The following COL4A2 variants were observed in gnomAD, a reference collection of about 807,000 sequenced individuals.
COL4A2 encodes collagen type IV alpha 2 chain.
COL4A2 carries 99 observed loss-of-function variants against 200.2 expected under a neutral mutation model. The ratio of observed to expected loss-of-function variants is 0.49; its 90% CI spans 0.42 to 0.58. COL4A2 has a LOEUF of 0.58. COL4A2 is among the 20% of genes least tolerant of loss of function. COL4A2 has a pLI of 0.00. For missense variants in COL4A2, 1,950 were observed against 2,314.1 expected (o/e 0.84, Z 3.23); for synonymous variants, 897 against 900.6 (o/e 1.00, Z 0.07).
At chr13:110,325,526 G>A (rs1224121305) in intron 3 of COL4A2, among the ~76,000 whole-genome samples, 3 of 152,160 alleles carry the variant, frequency 2.0e-5, no homozygotes, top group African/African-American at 7.2e-5. Flanking sequence ...GTGTCTCCCA[G>A]GGAAATCGTA....
At chr13:110,376,310 G>A (rs1195502209) in intron 4 of COL4A2, among the ~76,000 whole-genome samples, 1 of 152,156 alleles carries the variant, frequency 6.6e-6, no homozygotes, top group African/African-American at 2.4e-5. Flanking sequence ...CTGGAACTGT[G>A]AGCGTCAGAA....
chr13:110,413,898 C>T (rs1324344510), intron 4 of COL4A2, among the ~76,000 whole-genome samples: 1 of 152,228 alleles, frequency 6.6e-6, no homozygotes, highest in Non-Finnish European at 1.5e-5. Flanking sequence ...GGTCCAGGTG[C>T]TGTGGGTGAG....
At chr13:110,384,119 G>A (rs539722455) in intron 4 of COL4A2, among the ~76,000 whole-genome samples, 77 of 152,334 alleles carry the variant, frequency 5.1e-4, no homozygotes, top group African/African-American at 1.8e-3. Context: ...AGTGTGTTTA[G>A]ACTTGTGGCT....
chr13:110,385,257 G>T (rs113551653), intron 4 of COL4A2, among the ~76,000 whole-genome samples: 4 of 150,756 alleles, frequency 2.7e-5, no homozygotes, highest in Non-Finnish European at 4.4e-5. Flanking sequence ...GTGAGACTCC[G>T]TCTGAAAAAA....
intron 21 of COL4A2, chr13:110,458,295 A>C: frequency 2.7e-6 from 1 of 372,626 alleles, no homozygotes; most frequent in Non-Finnish European, 5.4e-6. Flanking sequence ...AGCTGTGGCA[A>C]AACAGAGGAA....
chr13:110,509,965 GAGGC>G (rs1435423418), intron 47 of COL4A2, among the ~76,000 whole-genome samples: 4 of 152,208 alleles, frequency 2.6e-5, no homozygotes, highest in Non-Finnish European at 4.4e-5. Flanking sequence ...TGCCGTCTAG[GAGGC>G]AGGACCTAAA....
chr13:110,321,171 A>G (rs1169524437), intron 3 of COL4A2, among the ~76,000 whole-genome samples: 2 of 143,284 alleles, frequency 1.4e-5, no homozygotes, highest in African/African-American at 5.5e-5. Flanking sequence ...GTATTTATAT[A>G]GTGTGCATGT....
intron 40 of COL4A2, 34 bp from the exon 41 acceptor site, chr13:110,501,634 C>T (rs370938849): frequency 2.0e-5 from 32 of 1,561,894 alleles, no homozygotes; most frequent in South Asian, 3.3e-5. Flanking sequence ...TGGGTGCTAA[C>T]GCTGAAAATA....
intron 29 of COL4A2, among the ~76,000 whole-genome samples, chr13:110,477,557 C>T (rs1471337885): frequency 6.6e-6 from 1 of 152,182 alleles, no homozygotes; most frequent in Non-Finnish European, 1.5e-5. Flanking sequence ...CTATTCCTGA[C>T]AGTGCTGTTT....
chr13:110,350,765 G>T (rs977766454), intron 3 of COL4A2, among the ~76,000 whole-genome samples: 4 of 152,192 alleles, frequency 2.6e-5, no homozygotes, highest in African/African-American at 9.7e-5. Context: ...GTGGGGTGGG[G>T]CCTGCATTCC....
intron 20 of COL4A2, among the ~76,000 whole-genome samples, chr13:110,452,414 G>A (rs1024420333): frequency 2.0e-5 from 3 of 152,162 alleles, no homozygotes; most frequent in African/African-American, 7.2e-5. Context: ...CGCCCGCCTC[G>A]GTCTCCCAAA....
intron 4 of COL4A2, among the ~76,000 whole-genome samples, chr13:110,385,020 T>C (rs4502089): frequency 0.22 from 34,006 of 152,034 alleles, 4,268 homozygotes; most frequent in East Asian, 0.37. Flanking sequence ...ATCCTAGCAC[T>C]TTGGGAGGCT....
intron 45 of COL4A2, among the ~76,000 whole-genome samples, chr13:110,505,630 T>C (rs571695515): frequency 1.3e-5 from 2 of 152,204 alleles, no homozygotes; most frequent in Admixed American, 6.5e-5. Flanking sequence ...AGCTGAGAAA[T>C]ATTCACAGAG....
intron 20 of COL4A2, 68 bp downstream of exon 20, chr13:110,450,522 G>A: frequency 6.4e-7 from 1 of 1,567,636 alleles, no homozygotes; most frequent in Non-Finnish European, 8.7e-7. Flanking sequence ...CCAGCCGGAT[G>A]TTATTTGGGA....
chr13:110,449,895 C>A, intron 19 of COL4A2, 106 bp downstream of exon 19: 1 of 1,245,686 alleles, frequency 8.0e-7, no homozygotes, highest in Non-Finnish European at 1.1e-6. Flanking sequence ...GTCGTTGTTA[C>A]TTTTCCCCAC....
chr13:110,360,678 T>C (rs192466515), intron 4 of COL4A2, among the ~76,000 whole-genome samples: 1 of 152,364 alleles, frequency 6.6e-6, no homozygotes, highest in Admixed American at 6.5e-5. Context: ...AAACTCCGTG[T>C]GGGCTTGGCT....
chr13:110,357,225 G>A (rs959114524), intron 3 of COL4A2, among the ~76,000 whole-genome samples: 4 of 152,064 alleles, frequency 2.6e-5, no homozygotes, highest in African/African-American at 4.8e-5. Context: ...GCAGGATGTC[G>A]ATGGTGGGGG....
intron 29 of COL4A2, among the ~76,000 whole-genome samples, chr13:110,476,680 C>T (rs1882717102): frequency 6.6e-6 from 1 of 152,208 alleles, no homozygotes; most frequent in South Asian, 2.1e-4. Context: ...GAGTGTGCAC[C>T]TCCGGTGTTA....
chr13:110,421,096 T>C lies in COL4A2; in HGVS notation c.181-3638T>C, dbSNP rs545412838. On this transcript the variant is annotated intron_variant, in intron 4 of 47. Coordinates refer to ENST00000360467, the MANE Select transcript of COL4A2 (RefSeq NM_001846.4). The stretch of plus-strand genomic sequence containing the variant: ...CCCAAAAAATGGAAAATCACAGGTA[T>C]TGGTGAGGATACAGAGGAATTGGAA... Among the ~76,000 whole-genome samples the C allele has an allele frequency of 2.0e-5, 3 of 152,334 alleles. No homozygotes were observed. In the South Asian group the frequency reaches 6.2e-4, roughly 32 times the overall value.
Sources: allele counts gnomAD v4.1 joint callset (sites outside exome capture counted in the v4.1 genomes callset), GRCh38; gene constraint gnomAD v4.1.1; transcripts MANE v1.5; gene names NCBI Gene and HGNC (gene_info 2026-07-23, HGNC 2026-07-21).